Variants in LOXL4 observed in about 807,000 individuals in gnomAD.
LOXL4 encodes lysyl oxidase like 4.
In LOXL4, 72 loss-of-function variants were observed where a neutral mutation model predicts 89.1. The observed-to-expected ratio is 0.81, with a 90% CI of 0.67 to 0.98. LOXL4 has a LOEUF of 0.98. LOXL4 is among the 50% of genes least tolerant of loss of function. The pLI, the probability that LOXL4 is intolerant of heterozygous loss-of-function variation, is 0.00. For missense variants in LOXL4, 984 were observed against 1,017.5 expected, an observed-to-expected ratio of 0.97 and a Z score of 0.45; for synonymous variants, 355 against 392.1, an observed-to-expected ratio of 0.91 and a Z score of 1.12.
chr10:98,257,567 C>A, intron 8 of LOXL4, 83 bp downstream of exon 8: 1 of 1,495,674 alleles, frequency 6.7e-7, no homozygotes, highest in Admixed American at 1.9e-5. Context: ...TGGACCTCTC[C>A]CCGCTAGCTC....
chr10:98,267,208 G>A (rs745580926), intron 1 of LOXL4, among the ~76,000 whole-genome samples: 51 of 152,264 alleles, frequency 3.3e-4, no homozygotes, highest in Non-Finnish European at 6.6e-4. Flanking sequence ...ATGGATGTTG[G>A]AAGAGGGGGA....
intron 1 of LOXL4, among the ~76,000 whole-genome samples, chr10:98,267,915 C>T (rs1858719010): frequency 6.6e-6 from 1 of 152,166 alleles, no homozygotes; most frequent in South Asian, 2.1e-4. Context: ...TCAGGGCGGG[C>T]CTTGGGCCAA....
In LOXL4 at chr10:98,262,211, G is replaced by T. The variant is rs992354727; in HGVS notation, c.280C>A (p.Pro94Thr). ...CAGCGCACATTGTCCAGCCAGATGGGTCCTGTGGAGTGGAGGTGATGCTCA... is the reference window on the plus strand; with the variant it reads ...CAGCGCACATTGTCCAGCCAGATGGTTCCTGTGGAGTGGAGGTGATGCTCA... ...HSAKYGQGEG[P>T]IWLDNVRCVG... is the part of the protein sequence containing the mutation. Residue 94 changes from proline to threonine, a missense_variant and splice_region_variant, in exon 3 of 15, where the codon CCC (proline) becomes ACC (threonine). Coordinates refer to ENST00000260702, the MANE Select transcript of LOXL4 (RefSeq NM_032211.7). 2 of 1,613,392 alleles carry T rather than the reference G, an allele frequency of 1.2e-6. No homozygotes were observed. Among genetic ancestry groups the T allele is most frequent in the Non-Finnish European group, 1.7e-6 (2 of 1,179,966 alleles).
At chr10:98,252,534 A>G in intron 11 of LOXL4, 66 bp from the exon 12 acceptor site, 1 of 1,084,532 alleles carries the variant, frequency 9.2e-7, no homozygotes, top group Non-Finnish European at 1.4e-6. Context: ...AGGGGCTGGT[A>G]GGGAAGACAG....
chr10:98,260,467 C>T (rs192341597), intron 4 of LOXL4, among the ~76,000 whole-genome samples: 213 of 141,998 alleles, frequency 1.5e-3, no homozygotes, highest in Middle Eastern at 0.011. Context: ...CTGTTTTCAC[C>T]GGGGGCGGGG....
intron 14 of LOXL4, 128 bp from the exon 15 acceptor site, chr10:98,249,119 A>T: frequency 7.2e-6 from 5 of 694,432 alleles, no homozygotes; most frequent in Non-Finnish European, 7.7e-6. Context: ...ACAGACACCA[A>T]TCATTTTATA....
In LOXL4 at chr10:98,262,847, C is replaced by A. The variant is rs754285906; in HGVS notation, c.173G>T (p.Cys58Phe). The change falls in exon 2 of 15, where the codon TGT becomes TTT. Residue 58 changes from cysteine (C) to phenylalanine (F), a missense_variant. Transcript: ENST00000260702. ...CTCCTGGATAGCAAAGTTGTCATCACACACGGTGCCCCACTGGCCCTGGTG... is the reference window on the plus strand; with the variant it reads ...CTCCTGGATAGCAAAGTTGTCATCAAACACGGTGCCCCACTGGCCCTGGTG... The part of the protein sequence containing the change: ...VLHQGQWGTV[C>F]DDNFAIQEAT... The A allele has an allele frequency of 6.2e-7, 1 of 1,613,658 alleles. No individual in the cohort carries two copies. Among genetic ancestry groups the A allele is most frequent in the South Asian group, 1.1e-5 (1 of 91,090 alleles).
At chr10:98,260,683 C>T (rs1220692519) in intron 4 of LOXL4, among the ~76,000 whole-genome samples, 2 of 152,152 alleles carry the variant, frequency 1.3e-5, no homozygotes, top group Non-Finnish European at 2.9e-5. Context: ...AATCCCAACA[C>T]CTGCTGGATG....
Position 98,262,232 on chromosome 10 carries a change from G to A in LOXL4, c.278-19C>T. 6.2e-7 allele frequency: 1 copy of A among 1,611,970 alleles called. No individual in the cohort carries two copies. Among genetic ancestry groups the A allele is most frequent in the East Asian group, 2.2e-5 (1 of 44,858 alleles). ...ATGGGTCCTGTGGAGTGGAGGTGAT[G>A]CTCAAAGATGGCACAGAGAGGCAGG... On this transcript the variant is annotated intron_variant, in intron 2 of 14. Coordinates refer to ENST00000260702, the MANE Select transcript of LOXL4 (RefSeq NM_032211.7).
rs139738129 is a variant in LOXL4, at chr10:98,263,853, C to T, written c.-32-802G>A. The stretch of plus-strand genomic sequence containing the variant: ...TTTAAGCAATTCTCTGCCTCATCCT[C>T]CTGAGTAGCTGGGATTACAGGCGCC... On this transcript the variant is annotated intron_variant, in intron 1 of 14. Coordinates refer to ENST00000260702, the MANE Select transcript of LOXL4 (RefSeq NM_032211.7). Among the ~76,000 whole-genome samples the T allele has an allele frequency of 6.6e-3, 1,006 of 151,752 alleles. 16 individuals are homozygous for T. The highest frequency in any genetic ancestry group is 0.022 in the African/African-American group (927 of 41,338).
Position 98,251,189 on chromosome 10 carries a change from A to G in LOXL4, c.2089-13T>C, listed in dbSNP as rs1305552830. 1 of 1,583,136 alleles carries G rather than the reference A, an allele frequency of 6.3e-7. No individual in the cohort carries two copies. Among genetic ancestry groups the G allele is most frequent in the Non-Finnish European group, 8.7e-7 (1 of 1,152,330 alleles). On this transcript the variant is annotated splice_polypyrimidine_tract_variant and intron_variant, in intron 13 of 14. Transcript: ENST00000260702. ...GGTTCACAATCACCTAGAGTGAAAG[A>G]GGGGACAACTGAAAATGGGTGATTT... is the stretch of plus-strand genomic sequence containing the variant.
chr10:98,264,271 G>A (rs1278447970), intron 1 of LOXL4, among the ~76,000 whole-genome samples: 1 of 149,512 alleles, frequency 6.7e-6, no homozygotes, highest in Non-Finnish European at 1.5e-5. Flanking sequence ...TTCAAAGAAG[G>A]GACACTTAAC....
Position 98,258,233 on chromosome 10 carries a change from G to A in LOXL4, c.922-69C>T, listed in dbSNP as rs1417785597. On this transcript the variant is annotated intron_variant, in intron 6 of 14. Coordinates refer to ENST00000260702, the MANE Select transcript of LOXL4 (RefSeq NM_032211.7). ...CCAGCAGGGGCTGAGCCCCCACAGC[G>A]GGATCCCCAACGGGGCTCCTTCAAG... 2.1e-5 allele frequency: 31 copies of A among 1,473,096 alleles called. No individual in the cohort carries two copies. In the East Asian group the frequency reaches 6.1e-4, roughly 29 times the overall value. The allele number at this position is 1,473,096 out of a possible 1,614,324, so 91.3% of individuals were successfully genotyped here.
chr10:98,251,109 C>A lies in LOXL4; in HGVS notation c.2156G>T (p.Cys719Phe). The A allele has an allele frequency of 6.2e-7, 1 of 1,614,116 alleles. No homozygotes were observed. Among genetic ancestry groups the A allele is most frequent in the Non-Finnish European group, 8.5e-7 (1 of 1,180,024 alleles). ...DFSNNMLQCR[C>F]KYDGHRVWLH... is the part of the protein sequence containing the mutation. ...CCAGACCCGGTGCCCATCATACTTG[C>A]AGCGGCACTGCAGCATATTGTTGGA... Residue 719 changes from cysteine (C) to phenylalanine (F), a missense_variant, in exon 14 of 15, where the codon TGC (cysteine) becomes TTC (phenylalanine). Coordinates refer to ENST00000260702, the MANE Select transcript of LOXL4 (RefSeq NM_032211.7).
intron 4 of LOXL4, among the ~76,000 whole-genome samples, chr10:98,260,396 A>C (rs1380807582): frequency 1.3e-5 from 2 of 151,340 alleles, no homozygotes; most frequent in Non-Finnish European, 2.9e-5. Context: ...CGTGGGTGTC[A>C]CTGCAAGTAT....
At chr10:98,259,271 A>T in intron 5 of LOXL4, 43 bp from the exon 6 acceptor site, 6 of 1,591,070 alleles carry the variant, frequency 3.8e-6, no homozygotes, top group Non-Finnish European at 5.2e-6. Context: ...GGGCTGAGGG[A>T]AGAGCTTCAG....
chr10:98,249,785 G>GTAGCCT (rs1031772454), intron 14 of LOXL4, among the ~76,000 whole-genome samples: 1 of 152,176 alleles, frequency 6.6e-6, no homozygotes, highest in Non-Finnish European at 1.5e-5. Flanking sequence ...CTCCGTGTGC[G>GTAGCCT]TAGCCTTGGA....
chr10:98,262,203 C>T lies in LOXL4; in HGVS notation c.288G>A (p.Trp96Ter), dbSNP rs369951896. 1.2e-6 allele frequency: 2 copies of T among 1,613,572 alleles called. No individual in the cohort carries two copies. Among genetic ancestry groups the T allele is most frequent in the Non-Finnish European group, 1.7e-6 (2 of 1,179,986 alleles). Residue 96 changes from tryptophan to a stop codon, truncating the protein, a stop_gained, in exon 3 of 15, where the codon TGG becomes TGA. Transcript: ENST00000260702. LOFTEE classifies it high-confidence loss of function. ...TGCCCACACAGCGCACATTGTCCAG[C>T]CAGATGGGTCCTGTGGAGTGGAGGT... ...AKYGQGEGPI[W>*]LDNVRCVGTE... is the part of the protein sequence containing the mutation.
intron 12 of LOXL4, 84 bp downstream of exon 12, chr10:98,252,269 G>C: frequency 9.5e-7 from 1 of 1,056,558 alleles, no homozygotes. Context: ...CTGCTGAACA[G>C]GGCAGAGAGA....
Sources: allele counts gnomAD v4.1 joint callset (sites outside exome capture counted in the v4.1 genomes callset), GRCh38; gene constraint gnomAD v4.1.1; transcripts MANE v1.5; gene names NCBI Gene and HGNC (gene_info 2026-07-23, HGNC 2026-07-21).